AGAP1: variants seen among roughly 807,000 people sequenced by gnomAD.
The protein encoded by AGAP1 is arf-GAP with GTPase, ANK repeat and PH domain-containing protein 1.
AGAP1 carries 29 observed loss-of-function variants against 105.3 expected under a neutral mutation model. The observed-to-expected ratio is 0.28, with a 90% CI of 0.21 to 0.38. The LOEUF is 0.38. AGAP1 is among the 10% of genes least tolerant of loss of function. AGAP1 has a pLI of 1.00. For missense variants in AGAP1, 998 were observed against 1,165.1 expected (o/e 0.86, Z 2.09); for synonymous variants, 509 against 485.9 (o/e 1.05, Z -0.63).
intron 1 of AGAP1, among the ~76,000 whole-genome samples, chr2:235,591,363 G>A (rs535665046): frequency 3.9e-4 from 60 of 152,172 alleles, no homozygotes; most frequent in Non-Finnish European, 7.8e-4. Context: ...TTGACTGAAC[G>A]AGGGGGAGTG....
intron 16 of AGAP1, among the ~76,000 whole-genome samples, chr2:236,106,444 C>T (rs768278190): frequency 2.0e-5 from 3 of 152,216 alleles, no homozygotes; most frequent in Non-Finnish European, 2.9e-5. Flanking sequence ...GTGTGCCACC[C>T]GGGCTGTCGT....
chr2:235,960,592 T>C lies in AGAP1; in HGVS notation c.1484-7870T>C, dbSNP rs2054139776. 6.6e-6 allele frequency among the ~76,000 whole-genome samples: 1 copy of C among 152,194 alleles called. No homozygotes were observed. The highest frequency in any genetic ancestry group is 2.4e-5 in the African/African-American group (1 of 41,454). ...CTGCTATCGGCGTGCTTACTGGAGATGCGATTCCCCTCTTCCTTCTTTGTT... is the reference window on the plus strand; with the variant it reads ...CTGCTATCGGCGTGCTTACTGGAGACGCGATTCCCCTCTTCCTTCTTTGTT... On this transcript the variant is annotated intron_variant, in intron 12 of 17. Transcript: ENST00000304032. The surrounding 1 kb of genome is among the most constrained non-coding windows in gnomAD (Gnocchi z 4.9).
At chr2:235,923,707 G>A (rs540257119) in intron 11 of AGAP1, among the ~76,000 whole-genome samples, 4 of 152,306 alleles carry the variant, frequency 2.6e-5, no homozygotes, top group Admixed American at 1.3e-4. Context: ...GTAATGTTCC[G>A]TTGTGCCGTG....
chr2:235,793,427 A>G lies in AGAP1; in HGVS notation c.674-4332A>G, dbSNP rs1957093800. ...GATGACAAACTGAGGGTGCAGGGCA[A>G]AAGAACACATGATTCGTGCTGTGGA... On this transcript the variant is annotated intron_variant, in intron 6 of 17. Coordinates refer to ENST00000304032, the MANE Select transcript of AGAP1 (RefSeq NM_001037131.3). This position sits in a 1 kb window ranked among gnomAD's most constrained non-coding sequence, Gnocchi z 5.3. 1.3e-5 allele frequency among the ~76,000 whole-genome samples: 2 copies of G among 152,210 alleles called. No individual in the cohort carries two copies. Among genetic ancestry groups the G allele is most frequent in the South Asian group, 2.1e-4 (1 of 4,834 alleles).
chr2:236,024,365 C>T (rs1422895622), intron 13 of AGAP1, among the ~76,000 whole-genome samples: 1 of 152,064 alleles, frequency 6.6e-6, no homozygotes, highest in African/African-American at 2.4e-5. Flanking sequence ...CATTTCTCAT[C>T]GTAGCTCGGG....
Position 236,012,639 on chromosome 2 carries a change from C to G in AGAP1, c.1646-23922C>G, listed in dbSNP as rs1576056121. Among the ~76,000 whole-genome samples, 1 of 152,086 alleles carries G rather than the reference C, an allele frequency of 6.6e-6. No homozygotes were observed. Among genetic ancestry groups the G allele is most frequent in the African/African-American group, 2.4e-5 (1 of 41,408 alleles). ...CCTGAGACAGATACTTAGGTAGGAC[C>G]TTATAGATAGTGAAGAAACCTGAAG... is the stretch of plus-strand genomic sequence containing the variant. On this transcript the variant is annotated intron_variant, in intron 13 of 17. Coordinates refer to ENST00000304032, the MANE Select transcript of AGAP1 (RefSeq NM_001037131.3). This position sits in a 1 kb window ranked among gnomAD's most constrained non-coding sequence, Gnocchi z 4.9.
rs2148986882 is a variant in AGAP1 at position 235,494,213 on chromosome 2, A to G, written c.-474A>G. 1 of 143,462 alleles carries G rather than the reference A, an allele frequency of 7.0e-6. No individual in the cohort carries two copies. Among genetic ancestry groups the G allele is most frequent in the African/African-American group, 2.5e-5 (1 of 39,800 alleles). The allele number at this position is 143,462 out of a possible 1,614,324, so 8.9% of individuals were successfully genotyped here. On this transcript the variant is annotated 5_prime_UTR_variant, in exon 1 of 18. Transcript: ENST00000304032. ...GGGCGGCGCAGTACGCAGCGCGCGG[A>G]CCCACGCCACGGCCAGGAGCCCAGA... is the stretch of plus-strand genomic sequence containing the variant.
At chr2:235,629,294 G>C (rs866240679) in intron 1 of AGAP1, among the ~76,000 whole-genome samples, 1 of 150,452 alleles carries the variant, frequency 6.6e-6, no homozygotes, top group East Asian at 2.0e-4. Context: ...GTGTGTGTGT[G>C]TGTGTGTGTG....
chr2:235,887,562 A>C lies in AGAP1; in HGVS notation c.1155+4113A>C, dbSNP rs994298621. Among the ~76,000 whole-genome samples, 2 of 152,182 alleles carry C rather than the reference A, an allele frequency of 1.3e-5. No individual in the cohort carries two copies. Among genetic ancestry groups the C allele is most frequent in the Admixed American group, 6.5e-5 (1 of 15,282 alleles). On this transcript the variant is annotated intron_variant, in intron 10 of 17. Coordinates refer to ENST00000304032, the MANE Select transcript of AGAP1 (RefSeq NM_001037131.3). This position sits in a 1 kb window ranked among gnomAD's most constrained non-coding sequence, Gnocchi z 4.1. ...ACTATTCTCATCCACCTTTTCTCTC[A>C]AAGGCAGATGGGGCCCAGGTTCCAA...
intron 12 of AGAP1, among the ~76,000 whole-genome samples, chr2:235,946,674 A>G (rs2053515209): frequency 6.6e-6 from 1 of 152,204 alleles, no homozygotes; most frequent in African/African-American, 2.4e-5. Flanking sequence ...GGGCCCCTCC[A>G]AGGAGAGGCT....
chr2:236,116,367 T>TTTTTTTTTTTTTTTTTG (rs1553578895), intron 16 of AGAP1, among the ~76,000 whole-genome samples: 2 of 150,416 alleles, frequency 1.3e-5, no homozygotes, highest in Admixed American at 6.6e-5. Flanking sequence ...CTTTTTTTTT[T>TTTTTTTTTTTTTTTTTG]GAGAGAGAGT....
rs1350096353 is a variant in AGAP1, at chr2:235,824,448, G to T, written c.1050+17117G>T. 6.6e-6 allele frequency among the ~76,000 whole-genome samples: 1 copy of T among 152,186 alleles called. No individual in the cohort carries two copies. Among genetic ancestry groups the T allele is most frequent in the Non-Finnish European group, 1.5e-5 (1 of 68,040 alleles). ...GGCTACAGTAGCATTGAACTGTGAA[G>T]AAATAATGTTGTACAGCCAATCAAA... On this transcript the variant is annotated intron_variant, in intron 9 of 17. Coordinates refer to ENST00000304032, the MANE Select transcript of AGAP1 (RefSeq NM_001037131.3). This position sits in a 1 kb window ranked among gnomAD's most constrained non-coding sequence, Gnocchi z 5.2.
rs2054028100 is a variant in AGAP1 at position 235,958,197 on chromosome 2, T to C, written c.1484-10265T>C. Among the ~76,000 whole-genome samples, 1 of 152,190 alleles carries C rather than the reference T, an allele frequency of 6.6e-6. No homozygotes were observed. Among genetic ancestry groups the C allele is most frequent in the Non-Finnish European group, 1.5e-5 (1 of 68,026 alleles). ...TCCCAGAGTGAGTGTTGCCTGCTCCTAGCAAATTCGTGGCGTGCCCCTCAT... is the reference window on the plus strand; with the variant it reads ...TCCCAGAGTGAGTGTTGCCTGCTCCCAGCAAATTCGTGGCGTGCCCCTCAT... On this transcript the variant is annotated intron_variant, in intron 12 of 17. Transcript: ENST00000304032. The surrounding 1 kb of genome is among the most constrained non-coding windows in gnomAD (Gnocchi z 4.1).
intron 1 of AGAP1, among the ~76,000 whole-genome samples, chr2:235,504,658 G>T (rs183326104): frequency 6.6e-6 from 1 of 152,136 alleles, no homozygotes; most frequent in East Asian, 1.9e-4. Flanking sequence ...TCTCTCTGTG[G>T]GTTGGACGTA....
At chr2:235,594,194 A>G (rs76999362) in intron 1 of AGAP1, among the ~76,000 whole-genome samples, 2,945 of 152,226 alleles carry the variant, frequency 0.019, 103 homozygotes, top group African/African-American at 0.066. Flanking sequence ...TTCTTACTCT[A>G]GAGACAGAAT....
intron 1 of AGAP1, among the ~76,000 whole-genome samples, chr2:235,686,554 T>TACACAC (rs1315334928): frequency 3.9e-3 from 199 of 51,354 alleles, no homozygotes; most frequent in African/African-American, 0.011. Flanking sequence ...GAGATATATA[T>TACACAC]ATACACACAC....
intron 8 of AGAP1, among the ~76,000 whole-genome samples, chr2:235,803,759 T>C (rs1957699666): frequency 6.6e-6 from 1 of 152,234 alleles, no homozygotes; most frequent in African/African-American, 2.4e-5. Context: ...TTTTATAAAA[T>C]AGTACAAATA....
intron 16 of AGAP1, among the ~76,000 whole-genome samples, chr2:236,074,260 A>C (rs774801348): frequency 6.6e-6 from 1 of 152,290 alleles, no homozygotes; most frequent in Admixed American, 6.5e-5. Flanking sequence ...GGGAGAGGCT[A>C]AACAAGAAGA....
In AGAP1 at chr2:236,042,587, T is replaced by A. The variant is rs2057582928; in HGVS notation, c.1891+1746T>A. ...ATTAAGGAAAATGCCTGCAGTTGTT[T>A]CCACCGTGCGTCTGAAGGTCGCTTT... On this transcript the variant is annotated intron_variant, in intron 15 of 17. Coordinates refer to ENST00000304032, the MANE Select transcript of AGAP1 (RefSeq NM_001037131.3). This position sits in a 1 kb window ranked among gnomAD's most constrained non-coding sequence, Gnocchi z 5.6. 6.6e-6 allele frequency among the ~76,000 whole-genome samples: 1 copy of A among 152,176 alleles called. No individual in the cohort carries two copies. Among genetic ancestry groups the A allele is most frequent in the Admixed American group, 6.5e-5 (1 of 15,278 alleles).
Sources: allele counts gnomAD v4.1 joint callset (sites outside exome capture counted in the v4.1 genomes callset), GRCh38; gene constraint gnomAD v4.1.1; non-coding constraint Gnocchi (gnomAD v3.1); transcripts MANE v1.5; gene names NCBI Gene and HGNC (gene_info 2026-07-23, HGNC 2026-07-21).